ADAMTS16: variants seen among roughly 807,000 people sequenced by gnomAD.
ADAMTS16 encodes A disintegrin and metalloproteinase with thrombospondin motifs 16.
Under a neutral mutation model 145.8 loss-of-function variants are expected in ADAMTS16, and 94 were observed. The ratio of observed to expected loss-of-function variants is 0.64; its 90% CI spans 0.55 to 0.77. The LOEUF (loss-of-function observed/expected upper bound fraction) is 0.77. ADAMTS16 is among the 30% of genes least tolerant of loss of function. The pLI is 0.00. For synonymous variants in ADAMTS16, 659 were observed against 604.3 expected (o/e 1.09, Z -1.33); for missense variants, 1,585 against 1,591.5 (o/e 1.00, Z 0.07).
chr5:5,173,417 CTT>C (rs373504065), intron 3 of ADAMTS16, among the ~76,000 whole-genome samples: 1 of 142,218 alleles, frequency 7.0e-6, no homozygotes, highest in Non-Finnish European at 1.5e-5. Flanking sequence ...ATCTTTTGTA[CTT>C]TTTTTTTTAT....
At chr5:5,258,454 C>T (rs1360968811) in intron 17 of ADAMTS16, among the ~76,000 whole-genome samples, 3 of 152,240 alleles carry the variant, frequency 2.0e-5, no homozygotes, top group Non-Finnish European at 4.4e-5. Flanking sequence ...GGACCTGCTG[C>T]AGCTGAAATC....
intron 18 of ADAMTS16, among the ~76,000 whole-genome samples, chr5:5,266,044 AGG>A (rs1738230230): frequency 6.7e-6 from 1 of 150,098 alleles, no homozygotes; most frequent in Non-Finnish European, 1.5e-5. Context: ...CACATGCAGG[AGG>A]GACTAGTGTT....
chr5:5,266,294 A>G (rs532453730), intron 18 of ADAMTS16, among the ~76,000 whole-genome samples: 8 of 152,278 alleles, frequency 5.3e-5, no homozygotes, highest in African/African-American at 1.9e-4. Flanking sequence ...GCTTTGAGGT[A>G]TCACATAATT....
At chr5:5,173,021 C>G (rs1735086978) in intron 3 of ADAMTS16, among the ~76,000 whole-genome samples, 1 of 152,026 alleles carries the variant, frequency 6.6e-6, no homozygotes, top group South Asian at 2.1e-4. Context: ...TCTATTTTGT[C>G]TCGTGTAAGT....
chr5:5,192,262 C>T (rs986160579), intron 8 of ADAMTS16, among the ~76,000 whole-genome samples: 5 of 152,162 alleles, frequency 3.3e-5, no homozygotes, highest in Non-Finnish European at 7.3e-5. Flanking sequence ...TCCAACACTC[C>T]TGTACACACC....
intron 3 of ADAMTS16, among the ~76,000 whole-genome samples, chr5:5,179,517 C>A (rs755850605): frequency 6.6e-6 from 1 of 152,182 alleles, no homozygotes; most frequent in Non-Finnish European, 1.5e-5. Context: ...ACTGCTTACG[C>A]TTCTCAGTTA....
chr5:5,140,537 C>G lies in ADAMTS16; in HGVS notation c.70C>G (p.Gln24Glu), dbSNP rs1214027875. Residue 24 changes from glutamine to glutamate, a missense_variant and splice_region_variant, in exon 1 of 23, where the codon CAG becomes GAG. By Grantham distance (29) the Gln-to-Glu change is conservative (BLOSUM62 2). This residue lies in a region of ADAMTS16 where 453 missense variants were observed against 412.1 expected (regional missense o/e 1.10). Coordinates refer to ENST00000274181, the MANE Select transcript of ADAMTS16 (RefSeq NM_139056.4). ...LWMLLAQVAE[Q>E]APACAMGPAA... is the part of the protein sequence containing the mutation. ...GATGCTGTTGGCGCAGGTGGCCGAG[C>G]AGGTGAGTCCCGGGCGCTCCCACCA... 1.3e-6 allele frequency: 2 copies of G among 1,510,296 alleles called. No individual in the cohort carries two copies. The highest frequency in any genetic ancestry group is 1.8e-6 in the Non-Finnish European group (2 of 1,139,228). 93.6% of individuals were successfully genotyped at this position (1,510,296 alleles called of 1,614,324 possible). A position where few individuals can be genotyped will look rare whatever the true frequency, so the allele number is the denominator to read the frequency against.
At chr5:5,290,668 T>C (rs1386930513) in intron 18 of ADAMTS16, among the ~76,000 whole-genome samples, 1 of 152,164 alleles carries the variant, frequency 6.6e-6, no homozygotes, top group Non-Finnish European at 1.5e-5. Context: ...AAAAAGGTGT[T>C]GCACAAAATA....
At position 5,269,652 on chromosome 5, in the gene ADAMTS16, T is replaced by C. The variant is rs1738390694; in HGVS notation, c.2789+6869T>C. Among the ~76,000 whole-genome samples, 2 of 152,134 alleles carry C rather than the reference T, an allele frequency of 1.3e-5. No homozygotes were observed. Among genetic ancestry groups the C allele is most frequent in the South Asian group, 2.1e-4 (1 of 4,828 alleles). ...GGTCCCGAGCCTCTAGAGGAGCCTTTGGAAGTTACTATTTTTTCCATATAA... is the reference window on the plus strand; with the variant it reads ...GGTCCCGAGCCTCTAGAGGAGCCTTCGGAAGTTACTATTTTTTCCATATAA... On this transcript the variant is annotated intron_variant, in intron 18 of 22. Transcript: ENST00000274181. The surrounding 1 kb of genome is among the most constrained non-coding windows in gnomAD (Gnocchi z 4.3).
intron 9 of ADAMTS16, 57 bp from the exon 10 acceptor site, chr5:5,209,036 A>G: frequency 2.6e-6 from 4 of 1,541,846 alleles, no homozygotes; most frequent in Admixed American, 2.0e-5. Context: ...AATTAGTTGT[A>G]AGTCCTTTGG....
chr5:5,212,472 T>C (rs1246502952), intron 10 of ADAMTS16, among the ~76,000 whole-genome samples: 1 of 152,120 alleles, frequency 6.6e-6, no homozygotes, highest in African/African-American at 2.4e-5. Context: ...ATTCTGAAGC[T>C]TCATAATTCG....
Position 5,262,532 on chromosome 5 carries a change from C to T in ADAMTS16, c.2663-125C>T. Reference sequence around the variant, plus strand: ...GAGTATTAATAGTTGGCCAGTTGGTCATTAACACAAACACATGCCAGTATG... The same window carrying T: ...GAGTATTAATAGTTGGCCAGTTGGTTATTAACACAAACACATGCCAGTATG... On this transcript the variant is annotated intron_variant, in intron 17 of 22. Coordinates refer to ENST00000274181, the MANE Select transcript of ADAMTS16 (RefSeq NM_139056.4). 6 of 1,348,254 alleles carry T rather than the reference C, an allele frequency of 4.5e-6. No individual in the cohort carries two copies. In the South Asian group the frequency reaches 7.9e-5, roughly 18 times the overall value. 83.5% of individuals were successfully genotyped at this position (1,348,254 alleles called of 1,614,324 possible).
intron 3 of ADAMTS16, among the ~76,000 whole-genome samples, chr5:5,148,982 C>T (rs1251515143): frequency 3.3e-5 from 5 of 152,082 alleles, no homozygotes; most frequent in African/African-American, 1.2e-4. Flanking sequence ...AAGCCCTGTC[C>T]TCATAGTAAA....
chr5:5,209,132 T>C lies in ADAMTS16; in HGVS notation c.1491T>C (p.Pro497=). The C allele has an allele frequency of 6.2e-7, 1 of 1,613,956 alleles. No individual in the cohort carries two copies. The highest frequency in any genetic ancestry group is 8.5e-7 in the Non-Finnish European group (1 of 1,179,882). The part of the protein sequence containing the change: ...QAICLADQPK[P]VKEYKYPEKL... ...TCTGCCTTGCTGATCAGCCAAAGCC[T>C]GTGAAGGAATACAAGTATCCTGAGA... The change falls in exon 10 of 23, where the codon CCT becomes CCC. Residue 497 remains proline (P), a synonymous_variant. Transcript: ENST00000274181.
At chr5:5,237,743 C>A (rs1737150488) in intron 14 of ADAMTS16, among the ~76,000 whole-genome samples, 1 of 152,086 alleles carries the variant, frequency 6.6e-6, no homozygotes, top group Admixed American at 6.6e-5. Flanking sequence ...GCCTCAGCAA[C>A]ATAGAGCAGC....
At chr5:5,297,518 G>C (rs1478087094) in intron 18 of ADAMTS16, among the ~76,000 whole-genome samples, 3 of 152,196 alleles carry the variant, frequency 2.0e-5, no homozygotes, top group Non-Finnish European at 4.4e-5. Context: ...TACTGAGGCT[G>C]TCTGTTTTGA....
At chr5:5,264,898 A>G (rs1167266387) in intron 18 of ADAMTS16, among the ~76,000 whole-genome samples, 1 of 152,182 alleles carries the variant, frequency 6.6e-6, no homozygotes, top group Non-Finnish European at 1.5e-5. Flanking sequence ...ACACACGACG[A>G]TGCTCCATGG....
At chr5:5,200,304 G>C (rs200915340) in intron 9 of ADAMTS16, 35 bp downstream of exon 9, 14 of 1,611,226 alleles carry the variant, frequency 8.7e-6, no homozygotes, top group Non-Finnish European at 1.2e-5. Context: ...GTGATCTTTC[G>C]GGGCCTTTGA....
chr5:5,195,883 C>T (rs1020625848), intron 8 of ADAMTS16, among the ~76,000 whole-genome samples: 3 of 152,096 alleles, frequency 2.0e-5, no homozygotes, highest in African/African-American at 7.2e-5. Flanking sequence ...GTAATGAGAG[C>T]TGTCGGTATT....
Sources: gnomAD v4.1 joint callset for allele counts (sites outside exome capture counted in the v4.1 genomes callset) on GRCh38, gnomAD v4.1.1 for gene constraint, gnomAD v4.1.1 regional missense constraint, Gnocchi (gnomAD v3.1) non-coding constraint, MANE v1.5 for transcripts, NCBI Gene and HGNC (gene_info 2026-07-23, HGNC 2026-07-21) for gene names.